Variants in ADAM10 observed in about 807,000 individuals in gnomAD.
The protein encoded by ADAM10 is disintegrin and metalloproteinase domain-containing protein 10.
In ADAM10, 17 loss-of-function variants were observed where a neutral mutation model predicts 90.1. That is an observed-to-expected ratio of 0.19 (90% confidence interval 0.13 to 0.28). The LOEUF (loss-of-function observed/expected upper bound fraction) is 0.28. ADAM10 is among the 10% of genes least tolerant of loss of function. The probability of loss-of-function intolerance (pLI) is 1.00; values close to 1 mark genes in which losing one functional copy is unlikely to be tolerated. For synonymous variants in ADAM10, 310 were observed against 298.6 expected (o/e 1.04, Z -0.40); for missense variants, 610 against 914.3 (o/e 0.67, Z 4.29).
rs1441886654 is a variant in ADAM10, at chr15:58,597,412, A to T, written c.*135T>A. The T allele has an allele frequency of 2.6e-6, 4 of 1,557,392 alleles. No homozygotes were observed. Among genetic ancestry groups the T allele is most frequent in the Non-Finnish European group, 3.5e-6 (4 of 1,149,650 alleles). ...TTAAGTAATTCCACCTGGTCTGAGG[A>T]TATGATCTCTTGCCATTTTTTCTTC... On this transcript the variant is annotated 3_prime_UTR_variant, in exon 16 of 16. Coordinates refer to ENST00000260408, the MANE Select transcript of ADAM10 (RefSeq NM_001110.4).
intron 1 of ADAM10, among the ~76,000 whole-genome samples, chr15:58,726,232 T>C (rs1333892519): frequency 6.6e-6 from 1 of 152,096 alleles, no homozygotes; most frequent in African/African-American, 2.4e-5. Flanking sequence ...ATAGATATTG[T>C]ACACTGAACA....
Position 58,591,991 on chromosome 15 carries a change from C to G in ADAM10, c.*5556G>C, listed in dbSNP as rs775827671. The G allele has an allele frequency of 6.6e-6, 1 of 152,148 alleles. No homozygotes were observed. The highest frequency in any genetic ancestry group is 2.4e-5 in the African/African-American group (1 of 41,410). 9.4% of individuals were successfully genotyped at this position (152,148 alleles called of 1,614,324 possible). On this transcript the variant is annotated 3_prime_UTR_variant, in exon 16 of 16. Transcript: ENST00000260408. ...ATCGTTGTCTTTTCTCTTTGCATTT[C>G]TGTTGTTGAAGCAGGACCATATGTC...
In ADAM10 at chr15:58,610,534, A is replaced by T. The variant is rs191379790; in HGVS notation, c.1805-17T>A. On this transcript the variant is annotated splice_polypyrimidine_tract_variant and intron_variant, in intron 13 of 15. Transcript: ENST00000260408. ...ATGGGTCCACTGGAAAAGAAATGCCAAATATAAGCTGAAGGTCAGATTCAA... is the reference window on the plus strand; with the variant it reads ...ATGGGTCCACTGGAAAAGAAATGCCTAATATAAGCTGAAGGTCAGATTCAA... The T allele has an allele frequency of 3.2e-4, 508 of 1,606,410 alleles. 3 individuals carry two copies. In the African/African-American group the frequency reaches 6.1e-3, roughly 19 times the overall value.
chr15:58,696,030 C>T (rs1241311519), intron 2 of ADAM10, among the ~76,000 whole-genome samples: 2 of 152,096 alleles, frequency 1.3e-5, no homozygotes, highest in African/African-American at 2.4e-5. Flanking sequence ...GCAGGAGAAT[C>T]GCTTGAACCC....
Position 58,717,708 on chromosome 15 carries a change from T to C in ADAM10, c.75A>G (p.Leu25=). The C allele has an allele frequency of 6.2e-7, 1 of 1,612,908 alleles. No homozygotes were observed. The highest frequency in any genetic ancestry group is 8.5e-7 in the Non-Finnish European group (1 of 1,179,620). Residue 25 remains leucine, a synonymous_variant, in exon 2 of 16, where the codon TTA becomes TTG. Transcript: ENST00000260408. ...CTTCATAATGTCTGATATATTTATT[T>C]AAAGGATTCCCATACTGACCTATAA... is the stretch of plus-strand genomic sequence containing the variant. ...AGMGGQYGNP[L]NKYIRHYEGL...
At chr15:58,743,749 C>T (rs138743095) in intron 1 of ADAM10, among the ~76,000 whole-genome samples, 166 of 152,206 alleles carry the variant, frequency 1.1e-3, no homozygotes, top group African/African-American at 2.9e-3. Context: ...GGATTACAGG[C>T]GCCTGCCACC....
chr15:58,744,748 A>T (rs1161369095), intron 1 of ADAM10, among the ~76,000 whole-genome samples: 1 of 152,206 alleles, frequency 6.6e-6, no homozygotes, highest in Non-Finnish European at 1.5e-5. Context: ...AGTGGCTTAC[A>T]CCTGTAATCC....
chr15:58,692,881 G>T (rs774646710), intron 2 of ADAM10: 1 of 681,578 alleles, frequency 1.5e-6, no homozygotes, highest in Admixed American at 1.8e-5. Flanking sequence ...ACCAGACTTG[G>T]CAATGGCTCC....
intron 15 of ADAM10, among the ~76,000 whole-genome samples, chr15:58,598,281 T>A (rs145519913): frequency 7.9e-5 from 12 of 152,338 alleles, no homozygotes; most frequent in Non-Finnish European, 1.6e-4. Flanking sequence ...AACATACACA[T>A]AAAATGTTTC....
chr15:58,692,615 T>C, intron 2 of ADAM10: 1 of 558,728 alleles, frequency 1.8e-6, no homozygotes. Context: ...TTGACCCACC[T>C]CTCTTCTAAG....
At chr15:58,631,283 A>G (rs139537403) in intron 9 of ADAM10, among the ~76,000 whole-genome samples, 151 of 152,340 alleles carry the variant, frequency 9.9e-4, no homozygotes, top group Non-Finnish European at 1.8e-3. Context: ...AGATGAAGAC[A>G]ACCATCTACT....
At chr15:58,748,742 C>T in intron 1 of ADAM10, 1 of 394,224 alleles carries the variant, frequency 2.5e-6, no homozygotes, top group Non-Finnish European at 4.5e-6. Flanking sequence ...ACCCTTCTCC[C>T]GACCAAACCC....
At chr15:58,647,255 T>TTTTTTTTTTTTTTTTTTTC (rs1896574328) in intron 5 of ADAM10, among the ~76,000 whole-genome samples, 1 of 91,100 alleles carries the variant, frequency 1.1e-5, no homozygotes, top group South Asian at 4.1e-4. Flanking sequence ...AGTATTTTTT[T>TTTTTTTTTTTTTTTTTTTC]TTTTTTTTTT....
intron 2 of ADAM10, chr15:58,692,211 C>A (rs770905004): frequency 3.5e-6 from 2 of 570,906 alleles, no homozygotes; most frequent in South Asian, 1.4e-5. Context: ...GGATGAACAG[C>A]AATGCCCTGA....
intron 2 of ADAM10, among the ~76,000 whole-genome samples, chr15:58,713,202 A>G (rs1308645101): frequency 6.6e-6 from 1 of 152,076 alleles, no homozygotes; most frequent in Non-Finnish European, 1.5e-5. Context: ...CCTAGACTCA[A>G]GTGATCCTCC....
intron 2 of ADAM10, 68 bp downstream of exon 2, chr15:58,717,509 A>C (rs767646276): frequency 3.1e-6 from 5 of 1,587,854 alleles, no homozygotes; most frequent in Admixed American, 3.4e-5. Flanking sequence ...TTAAGGATAT[A>C]AATCTCCTCT....
rs752901413 is a variant in ADAM10 at position 58,717,556 on chromosome 15, G to C, written c.206+21C>G. The C allele has an allele frequency of 3.1e-6, 5 of 1,613,602 alleles. No individual in the cohort carries two copies. The Admixed American group carries it at 6.7e-5, about 22-fold the overall frequency. On this transcript the variant is annotated intron_variant, in intron 2 of 15. Coordinates refer to ENST00000260408, the MANE Select transcript of ADAM10 (RefSeq NM_001110.4). ...TGAATATAGAGGAACTTCAGACACA[G>C]TCAGCAATAAATTTACTTACCTTCC...
chr15:58,664,435 G>A (rs1288715552), intron 5 of ADAM10, among the ~76,000 whole-genome samples: 1 of 151,898 alleles, frequency 6.6e-6, no homozygotes, highest in Non-Finnish European at 1.5e-5. Context: ...CTTAACACTA[G>A]AAAGACCCAC....
intron 2 of ADAM10, chr15:58,707,353 C>G (rs1161860190): frequency 6.6e-6 from 1 of 151,632 alleles, no homozygotes; most frequent in Non-Finnish European, 1.5e-5. Context: ...TACTGCACTC[C>G]AGCTTGGTCA....
Sources: allele counts gnomAD v4.1 joint callset (sites outside exome capture counted in the v4.1 genomes callset), GRCh38; gene constraint gnomAD v4.1.1; transcripts MANE v1.5; gene names NCBI Gene and HGNC (gene_info 2026-07-23, HGNC 2026-07-21).